SUGCT: variants seen among roughly 807,000 people sequenced by gnomAD.
The protein encoded by SUGCT is succinyl-CoA:glutarate CoA-transferase.
A neutral mutation model predicts 55.0 loss-of-function variants in SUGCT; 41 were observed. The observed-to-expected ratio is 0.74, with a 90% CI of 0.58 to 0.97. SUGCT has a LOEUF of 0.97. SUGCT is among the 50% of genes least tolerant of loss of function. The pLI is 0.00. For synonymous variants in SUGCT, 187 were observed against 200.4 expected, an observed-to-expected ratio of 0.93 and a Z score of 0.56; for missense variants, 568 against 547.8, an observed-to-expected ratio of 1.04 and a Z score of -0.37.
chr7:40,326,844 A>G (rs1796049264), intron 9 of SUGCT, among the ~76,000 whole-genome samples: 1 of 152,228 alleles, frequency 6.6e-6, no homozygotes, highest in Admixed American at 6.5e-5. Flanking sequence ...CCTTTATAAA[A>G]AATATATACT....
intron 13 of SUGCT, among the ~76,000 whole-genome samples, chr7:40,779,339 C>G (rs1789615374): frequency 6.6e-6 from 1 of 152,144 alleles, no homozygotes; most frequent in South Asian, 2.1e-4. Flanking sequence ...GTAATTTAGT[C>G]AGCTTGTGTA....
At chr7:40,704,230 A>G (rs1374103628) in intron 12 of SUGCT, among the ~76,000 whole-genome samples, 1 of 152,154 alleles carries the variant, frequency 6.6e-6, no homozygotes, top group Non-Finnish European at 1.5e-5. Context: ...TGGCTGTGTG[A>G]TCTTGGGAAA....
intron 12 of SUGCT, among the ~76,000 whole-genome samples, chr7:40,691,935 C>T (rs1199371623): frequency 6.6e-6 from 1 of 152,126 alleles, no homozygotes; most frequent in Non-Finnish European, 1.5e-5. Context: ...AACCCTTTCT[C>T]ATTGGATTCT....
intron 9 of SUGCT, among the ~76,000 whole-genome samples, chr7:40,397,501 A>G (rs1785804270): frequency 6.6e-6 from 1 of 152,190 alleles, no homozygotes; most frequent in African/African-American, 2.4e-5. Context: ...AACTCTTGAA[A>G]GTTAATGCTC....
chr7:40,527,567 C>A (rs1488745505), intron 12 of SUGCT, among the ~76,000 whole-genome samples: 1 of 152,176 alleles, frequency 6.6e-6, no homozygotes, highest in East Asian at 1.9e-4. Flanking sequence ...ACACTGCTGT[C>A]ATTTCACAAT....
intron 12 of SUGCT, among the ~76,000 whole-genome samples, chr7:40,713,158 A>G (rs539338016): frequency 1.3e-5 from 2 of 152,316 alleles, no homozygotes; most frequent in African/African-American, 2.4e-5. Context: ...GACACAGCAG[A>G]GTAGATGCAA....
the SUGCT span, among the ~76,000 whole-genome samples, chr7:40,991,154 A>T: frequency 3.3e-5 from 5 of 152,180 alleles, no homozygotes; most frequent in South Asian, 1.0e-3. Context: ...CTTTCACTTG[A>T]ACACTTAGAT....
intron 9 of SUGCT, among the ~76,000 whole-genome samples, chr7:40,324,402 TAC>T (rs1427875689): frequency 5.9e-5 from 9 of 151,416 alleles, no homozygotes; most frequent in African/African-American, 1.5e-4. Context: ...ATTACAGATA[TAC>T]GTCACCATGC....
At chr7:40,649,339 T>TAG (rs1299337825) in intron 12 of SUGCT, among the ~76,000 whole-genome samples, 1 of 152,172 alleles carries the variant, frequency 6.6e-6, no homozygotes, top group Non-Finnish European at 1.5e-5. Flanking sequence ...GTATGTCACA[T>TAG]TTACTGAGTA....
At chr7:40,471,380 C>CT in intron 11 of SUGCT, among the ~76,000 whole-genome samples, 1 of 151,546 alleles carries the variant, frequency 6.6e-6, no homozygotes, top group Non-Finnish European at 1.5e-5. Flanking sequence ...AAATTTTAAA[C>CT]TGTATATAAG....
the SUGCT span, among the ~76,000 whole-genome samples, chr7:40,913,340 A>AAATATT: frequency 1.3e-5 from 2 of 152,204 alleles, no homozygotes; most frequent in African/African-American, 4.8e-5. Flanking sequence ...CTGGTTTTAG[A>AAATATT]AATATTAAAA....
chr7:41,018,154 A>T, the SUGCT span, among the ~76,000 whole-genome samples: 1 of 152,000 alleles, frequency 6.6e-6, no homozygotes, highest in South Asian at 2.1e-4. Context: ...GGACAGACAG[A>T]CACAGTCTCT....
rs1477701880 is a variant in SUGCT at position 40,363,580 on chromosome 7, C to T, written c.816+46725C>T. On this transcript the variant is annotated intron_variant, in intron 9 of 13. Transcript: ENST00000335693. ...TTCATTTAATTATGTACCCAGCAGT[C>T]ATTCAGGAGCAGGTTGTTCAGTTTC... 3.9e-5 allele frequency among the ~76,000 whole-genome samples: 6 copies of T among 152,292 alleles called. No homozygotes were observed. In the South Asian group the frequency reaches 1.0e-3, roughly 26 times the overall value.
chr7:40,146,455 C>G (rs1426510981), intron 1 of SUGCT, among the ~76,000 whole-genome samples: 1 of 152,186 alleles, frequency 6.6e-6, no homozygotes, highest in African/African-American at 2.4e-5. Flanking sequence ...CAGCCTTCAG[C>G]GCTGAGAGCC....
At chr7:40,577,176 C>T (rs1395074353) in intron 12 of SUGCT, among the ~76,000 whole-genome samples, 1 of 152,170 alleles carries the variant, frequency 6.6e-6, no homozygotes, top group Non-Finnish European at 1.5e-5. Flanking sequence ...GCTGGATCCT[C>T]AGAGAGGCAG....
At chr7:40,516,859 G>T (rs951857835) in intron 12 of SUGCT, among the ~76,000 whole-genome samples, 2 of 151,900 alleles carry the variant, frequency 1.3e-5, no homozygotes, top group African/African-American at 4.8e-5. Context: ...GCAATTTCTT[G>T]TAAGAATCCA....
At chr7:40,863,938 A>T (rs920343817), downstream of SUGCT, among the ~76,000 whole-genome samples, 1 of 152,086 alleles carries the variant, frequency 6.6e-6, no homozygotes, top group East Asian at 1.9e-4. Flanking sequence ...AAAGATGCAT[A>T]TTTCCATTTC....
chr7:40,411,709 C>A (rs1284022405), intron 9 of SUGCT, among the ~76,000 whole-genome samples: 1 of 152,032 alleles, frequency 6.6e-6, no homozygotes, highest in South Asian at 2.1e-4. Flanking sequence ...TCCAACAGAT[C>A]CGTTGGTTGA....
In SUGCT at chr7:40,759,571, C is replaced by T. The variant is rs76261667; in HGVS notation, c.1153+10074C>T. Among the ~76,000 whole-genome samples, 96 of 152,030 alleles carry T rather than the reference C, an allele frequency of 6.3e-4. 1 individual carries two copies. The East Asian group carries it at 0.018, about 28-fold the overall frequency. On this transcript the variant is annotated intron_variant, in intron 13 of 13. Transcript: ENST00000335693. Reference sequence around the variant, plus strand: ...ACCCAGCTCTGGGTGTATCTTTAATCTGTCCTCTTTTCTCTATTTACTATT... The same window carrying T: ...ACCCAGCTCTGGGTGTATCTTTAATTTGTCCTCTTTTCTCTATTTACTATT...
Sources: gnomAD v4.1 joint callset for allele counts (sites outside exome capture counted in the v4.1 genomes callset) on GRCh38, gnomAD v4.1.1 for gene constraint, MANE v1.5 for transcripts, NCBI Gene and HGNC (gene_info 2026-07-23, HGNC 2026-07-21) for gene names.